IL1RAPL1: variants seen among roughly 807,000 people sequenced by gnomAD.
IL1RAPL1 encodes interleukin 1 receptor accessory protein like 1.
Under a neutral mutation model 48.4 loss-of-function variants are expected in IL1RAPL1, and 3 were observed. The observed-to-expected ratio is 0.06, with a 90% CI of 0.03 to 0.16. IL1RAPL1 has a LOEUF of 0.16. Ranked by LOEUF, IL1RAPL1 falls within the 10% of genes least tolerant of loss-of-function variation. The pLI is 1.00. For synonymous variants in IL1RAPL1, 185 were observed against 187.7 expected (o/e 0.99, Z 0.12); for missense variants, 349 against 530.6 (o/e 0.66, Z 3.36).
chrX:28,839,666 A>G (rs749230176), intron 2 of IL1RAPL1, among the ~76,000 whole-genome samples: 90 of 111,022 alleles, frequency 8.1e-4, no homozygotes, highest in African/African-American at 2.9e-3. Flanking sequence ...CATGATGATG[A>G]AAAATAGATA....
chrX:28,934,979 A>T (rs1042422505), intron 2 of IL1RAPL1, among the ~76,000 whole-genome samples: 5 of 111,508 alleles, frequency 4.5e-5, no homozygotes, highest in African/African-American at 1.6e-4. Flanking sequence ...CTCATTATCT[A>T]ATGTATGATG....
chrX:29,587,870 C>T (rs1923234998), intron 5 of IL1RAPL1, among the ~76,000 whole-genome samples: 1 of 111,956 alleles, frequency 8.9e-6, no homozygotes, highest in Admixed American at 9.5e-5. Context: ...TGTGTACTGT[C>T]GAATGCCAAA....
intron 2 of IL1RAPL1, among the ~76,000 whole-genome samples, chrX:29,134,558 TTC>T (rs1025436883): frequency 1.8e-5 from 2 of 111,865 alleles, no homozygotes; most frequent in African/African-American, 6.5e-5. Flanking sequence ...CTGTTATCTC[TTC>T]TCTCAGCAGG....
rs7063049 is a variant in IL1RAPL1 at position 29,919,734 on chromosome X, C to T, written c.912-215C>T. 9.2e-3 allele frequency among the ~76,000 whole-genome samples: 1,028 copies of T among 112,240 alleles called. 13 individuals carry two copies. Among genetic ancestry groups the T allele is most frequent in the African/African-American group, 0.031 (972 of 30,888 alleles). ...TTGTCCTGCTAAGGGAGATAATTAA[C>T]TGCAACTTCATTAGCATCTACAAAG... On this transcript the variant is annotated intron_variant, in intron 7 of 10. Transcript: ENST00000378993.
chrX:29,217,133 G>A (rs1930884255), intron 2 of IL1RAPL1, among the ~76,000 whole-genome samples: 1 of 112,099 alleles, frequency 8.9e-6, no homozygotes, highest in Admixed American at 9.5e-5. Flanking sequence ...CACTTAAAAA[G>A]GACAGGCAGG....
chrX:29,130,020 C>A (rs972388381), intron 2 of IL1RAPL1, among the ~76,000 whole-genome samples: 2 of 111,479 alleles, frequency 1.8e-5, no homozygotes, highest in Admixed American at 1.9e-4. Context: ...GACCAACTAT[C>A]ATTACATTTT....
intron 2 of IL1RAPL1, among the ~76,000 whole-genome samples, chrX:29,119,237 T>C (rs1181247599): frequency 9.0e-6 from 1 of 111,152 alleles, no homozygotes; most frequent in Non-Finnish European, 1.9e-5. Context: ...ACATAAACAT[T>C]ATACCTACAT....
chrX:28,687,783 GAAAAA>G (rs1207000675), intron 1 of IL1RAPL1, among the ~76,000 whole-genome samples: 1 of 91,067 alleles, frequency 1.1e-5, no homozygotes, highest in Non-Finnish European at 2.2e-5. Context: ...CTCCGTCTCA[GAAAAA>G]AAAAAAAAAA....
chrX:28,984,778 T>G (rs1178210612), intron 2 of IL1RAPL1, among the ~76,000 whole-genome samples: 1 of 111,840 alleles, frequency 8.9e-6, no homozygotes, highest in African/African-American at 3.2e-5. Context: ...GTCACAAGAA[T>G]AAATATTTGT....
intron 6 of IL1RAPL1, among the ~76,000 whole-genome samples, chrX:29,703,661 G>A (rs777912979): frequency 1.1e-4 from 12 of 111,647 alleles, no homozygotes; most frequent in African/African-American, 2.0e-4. Context: ...TTAATACTAA[G>A]TTTTGATTTA....
rs1268107194 is a variant in IL1RAPL1, at chrX:29,141,151, AG to A, written c.83-141786del. On this transcript the variant is annotated intron_variant, in intron 2 of 10. Coordinates refer to ENST00000378993, the MANE Select transcript of IL1RAPL1 (RefSeq NM_014271.4). ...TTGAAAGACTATTTATAAAGCTTGT[AG>A]TACCTGAGTGGATTAATGGTGTTTA... Among the ~76,000 whole-genome samples, 3 of 110,807 alleles carry A rather than the reference AG, an allele frequency of 2.7e-5. No individual in the cohort carries two copies. The Admixed American group carries it at 2.9e-4, about 11-fold the overall frequency.
chrX:29,803,507 G>A (rs1601831918), intron 6 of IL1RAPL1, among the ~76,000 whole-genome samples: 1 of 88,627 alleles, frequency 1.1e-5, no homozygotes, highest in East Asian at 3.3e-4. Context: ...ATACATATGT[G>A]TATATATGTA....
chrX:29,042,167 C>T (rs1035430382), intron 2 of IL1RAPL1, among the ~76,000 whole-genome samples: 16 of 112,030 alleles, frequency 1.4e-4, no homozygotes, highest in African/African-American at 4.5e-4. Context: ...AGCAGAACAA[C>T]TATATTTAGA....
intron 6 of IL1RAPL1, among the ~76,000 whole-genome samples, chrX:29,805,943 A>G (rs1451988094): frequency 9.3e-6 from 1 of 107,958 alleles, no homozygotes; most frequent in Non-Finnish European, 1.9e-5. Context: ...AAAATTATAT[A>G]TATATAAAAT....
chrX:29,422,212 T>A (rs1934298802), intron 5 of IL1RAPL1, among the ~76,000 whole-genome samples: 1 of 111,636 alleles, frequency 9.0e-6, no homozygotes, highest in Non-Finnish European at 1.9e-5. Flanking sequence ...AGAGACAGGT[T>A]AGTCTTCCAC....
chrX:29,084,583 C>A (rs765933100), intron 2 of IL1RAPL1, among the ~76,000 whole-genome samples: 2 of 112,033 alleles, frequency 1.8e-5, no homozygotes, highest in East Asian at 5.6e-4. Context: ...TAACAAGCAC[C>A]CAGGGAGTCC....
chrX:29,094,666 G>T (rs1162124777), intron 2 of IL1RAPL1, among the ~76,000 whole-genome samples: 2 of 100,292 alleles, frequency 2.0e-5, no homozygotes, highest in Non-Finnish European at 4.0e-5. Flanking sequence ...AGCTACTCGG[G>T]AGGCTGAGGC....
At chrX:29,642,171 T>C (rs974203578) in intron 5 of IL1RAPL1, among the ~76,000 whole-genome samples, 2 of 112,754 alleles carry the variant, frequency 1.8e-5, no homozygotes, top group African/African-American at 3.2e-5. Context: ...TCATCTTCTG[T>C]GTCTCCCCCA....
At chrX:28,950,415 C>T (rs1168291286) in intron 2 of IL1RAPL1, among the ~76,000 whole-genome samples, 8 of 85,783 alleles carry the variant, frequency 9.3e-5, no homozygotes, top group African/African-American at 1.8e-4. Context: ...ATTGACTTGG[C>T]GATGCGGGCT....
Sources: allele counts gnomAD v4.1 joint callset (sites outside exome capture counted in the v4.1 genomes callset), GRCh38; gene constraint gnomAD v4.1.1; transcripts MANE v1.5; gene names NCBI Gene and HGNC (gene_info 2026-07-23, HGNC 2026-07-21).